The following HYDIN variants were observed in gnomAD, a reference collection of about 807,000 sequenced individuals.
HYDIN encodes the protein HYDIN axonemal central pair apparatus protein.
In HYDIN, 132 loss-of-function variants were observed where a neutral mutation model predicts 403.9. The ratio of observed to expected loss-of-function variants is 0.33; its 90% confidence interval spans 0.28 to 0.38. HYDIN has a LOEUF of 0.38. HYDIN is among the 10% of genes least tolerant of loss of function. The pLI, the probability that HYDIN is intolerant of heterozygous loss-of-function variation, is 1.00. For missense variants in HYDIN, 2,827 were observed against 5,009.5 expected, an observed-to-expected ratio of 0.56 and a Z score of 13.15; for synonymous variants, 1,202 against 1,891.7, an observed-to-expected ratio of 0.64 and a Z score of 9.46.
Position 70,829,757 on chromosome 16 carries a change from G to A in HYDIN, c.13973C>T (p.Thr4658Ile), listed in dbSNP as rs2036844224. The change falls in exon 81 of 86, where the codon ACC becomes ATC. Residue 4658 changes from threonine (T) to isoleucine (I), a missense_variant. Transcript: ENST00000393567. ...CTCAAAGATGGGGTGCAGATTCCAGGTCTGGTTGGTGCGGTTTGACAGCAG... is the reference window on the plus strand; with the variant it reads ...CTCAAAGATGGGGTGCAGATTCCAGATCTGGTTGGTGCGGTTTGACAGCAG... ...TILLSNRTNQ[T>I]WNLHPIFEGE... 1 of 1,614,062 alleles carries A rather than the reference G, an allele frequency of 6.2e-7. No homozygotes were observed. The highest frequency in any genetic ancestry group is 8.5e-7 in the Non-Finnish European group (1 of 1,179,886).
At chr16:71,187,350 G>A (rs1375756813) in intron 1 of HYDIN, among the ~76,000 whole-genome samples, 5 of 152,144 alleles carry the variant, frequency 3.3e-5, no homozygotes, top group Admixed American at 2.6e-4. Context: ...ACAGAGATTC[G>A]AAATAGCATG....
At chr16:71,039,948 C>T (rs1313454678) in intron 18 of HYDIN, among the ~76,000 whole-genome samples, 7 of 152,318 alleles carry the variant, frequency 4.6e-5, no homozygotes, top group East Asian at 3.9e-4. Flanking sequence ...TGTCCACAGA[C>T]GGCAGAGCTG....
chr16:71,062,580 G>C lies in HYDIN; in HGVS notation c.2212-247C>G, dbSNP rs143814159. Reference sequence around the variant, plus strand: ...GCAGAATTATCCGCAACTCAAATAAGTTCAGGGCAACAGCTTTCCACTTTC... The same window carrying C: ...GCAGAATTATCCGCAACTCAAATAACTTCAGGGCAACAGCTTTCCACTTTC... On this transcript the variant is annotated intron_variant, in intron 16 of 85. Transcript: ENST00000393567. 912 of 396,120 alleles carry C rather than the reference G, an allele frequency of 2.3e-3. 5 individuals carry two copies. The highest frequency in any genetic ancestry group is 0.012 in the Middle Eastern group (18 of 1,452). The allele number at this position is 396,120 out of a possible 1,614,324, so 24.5% of individuals were successfully genotyped here. A position where few individuals can be genotyped will look rare whatever the true frequency, so the allele number is the denominator to read the frequency against.
intron 83 of HYDIN, among the ~76,000 whole-genome samples, chr16:70,821,740 T>A (rs200593270): frequency 1.3e-5 from 2 of 152,004 alleles, no homozygotes; most frequent in African/African-American, 4.8e-5. Context: ...TAGTTTTTTT[T>A]TAAAAACTAA....
At chr16:70,868,830 T>C (rs778975172) in intron 65 of HYDIN, 42 bp from the exon 66 acceptor site, 171 of 1,553,844 alleles carry the variant, frequency 1.1e-4, no homozygotes, top group Non-Finnish European at 1.4e-4. Context: ...GAATCCGATC[T>C]TGAGGACTCT....
chr16:70,902,811 ATATATATATATTT>A (rs1263967039), intron 52 of HYDIN, among the ~76,000 whole-genome samples: 4,119 of 33,362 alleles, frequency 0.12, 172 homozygotes, highest in African/African-American at 0.14. Context: ...ATATATATAT[ATATATATATATTT>A]TTTTTTTTTT....
chr16:70,945,624 G>T (rs962723174), intron 41 of HYDIN, among the ~76,000 whole-genome samples: 1 of 152,192 alleles, frequency 6.6e-6, no homozygotes, highest in Non-Finnish European at 1.5e-5. Flanking sequence ...CAATGACTAG[G>T]AATTTGGAGA....
intron 12 of HYDIN, among the ~76,000 whole-genome samples, chr16:71,082,411 G>A (rs1453554478): frequency 1.3e-5 from 2 of 151,900 alleles, no homozygotes; most frequent in East Asian, 1.9e-4. Context: ...GAACTGAGGA[G>A]GAAATTTATG....
intron 53 of HYDIN, among the ~76,000 whole-genome samples, chr16:70,897,627 T>G (rs554251810): frequency 7.0e-6 from 1 of 143,468 alleles, no homozygotes; most frequent in Non-Finnish European, 1.5e-5. Context: ...TCGGAGGCAG[T>G]GGGGAGGCTG....
chr16:71,193,383 T>C (rs1324374914), intron 1 of HYDIN, among the ~76,000 whole-genome samples: 3 of 152,224 alleles, frequency 2.0e-5, no homozygotes, highest in African/African-American at 7.2e-5. Context: ...GTATGTGTGA[T>C]GTAATGTCTT....
intron 5 of HYDIN, among the ~76,000 whole-genome samples, chr16:71,171,348 C>T (rs2086455219): frequency 6.6e-6 from 1 of 152,164 alleles, no homozygotes. Context: ...AAAGCAGAGC[C>T]CTTATCATTC....
intron 44 of HYDIN, 129 bp downstream of exon 44, chr16:70,938,485 C>A: frequency 1.4e-6 from 1 of 726,286 alleles, no homozygotes; most frequent in East Asian, 2.6e-5. Flanking sequence ...TGCAGGTCAC[C>A]TTCCAGGGCC....
intron 5 of HYDIN, among the ~76,000 whole-genome samples, chr16:71,162,969 G>C (rs1369280724): frequency 2.0e-5 from 3 of 152,240 alleles, no homozygotes; most frequent in Non-Finnish European, 4.4e-5. Context: ...TATGCTTCAT[G>C]TGTCTGTCAG....
chr16:70,816,350 A>C (rs1488814938), intron 84 of HYDIN, among the ~76,000 whole-genome samples: 2 of 151,922 alleles, frequency 1.3e-5, no homozygotes, highest in Non-Finnish European at 2.9e-5. Flanking sequence ...TAGTTAAAAA[A>C]GAAGTATTAA....
chr16:70,996,510 T>C (rs1439017058), intron 23 of HYDIN, among the ~76,000 whole-genome samples: 3 of 151,834 alleles, frequency 2.0e-5, no homozygotes, highest in Non-Finnish European at 4.4e-5. Context: ...CTATGGGGCC[T>C]GGGGGCTGTG....
chr16:70,911,579 T>C (rs1337294998), intron 47 of HYDIN, among the ~76,000 whole-genome samples: 9 of 145,162 alleles, frequency 6.2e-5, no homozygotes, highest in Non-Finnish European at 1.4e-4. Flanking sequence ...TGCTTAGTCT[T>C]GCTTTGGCTA....
In HYDIN at chr16:71,158,679, G is replaced by GTTTT. The variant is rs10615981; in HGVS notation, c.716+3848_716+3851dup. 9.4e-5 allele frequency among the ~76,000 whole-genome samples: 11 copies of GTTTT among 117,284 alleles called. 1 individual carries two copies. The South Asian group carries it at 2.0e-3, about 21-fold the overall frequency. The allele number at this position is 117,284 out of a possible 152,430, so 76.9% of individuals were successfully genotyped here. A position where few individuals can be genotyped will look rare whatever the true frequency, so the allele number is the denominator to read the frequency against. On this transcript the variant is annotated intron_variant, in intron 6 of 85. Transcript: ENST00000393567. ...ACCATTTTTTCAATTGAAAAAGATG[G>GTTTT]TTTTTTTTTTTTTTTTTTTTGAGAC...
intron 76 of HYDIN, among the ~76,000 whole-genome samples, chr16:70,839,384 T>TATTAAA (rs1476796938): frequency 1.3e-5 from 2 of 148,260 alleles, no homozygotes; most frequent in African/African-American, 2.6e-5. Context: ...CACATGTGGT[T>TATTAAA]ATTAAAATTA....
intron 7 of HYDIN, among the ~76,000 whole-genome samples, chr16:71,137,918 A>AAC (rs113958761): frequency 2.0e-5 from 3 of 148,632 alleles, no homozygotes; most frequent in East Asian, 1.9e-4. Context: ...AAACAAAAGA[A>AAC]ACACACACAC....
Sources: gnomAD v4.1 joint callset for allele counts (sites outside exome capture counted in the v4.1 genomes callset) on GRCh38, gnomAD v4.1.1 for gene constraint, MANE v1.5 for transcripts, NCBI Gene and HGNC (gene_info 2026-07-23, HGNC 2026-07-21) for gene names.